The following FABP6 variants were observed in gnomAD, a reference collection of about 807,000 sequenced individuals.
FABP6 encodes the protein fatty acid binding protein 6.
Under a neutral mutation model 14.9 loss-of-function variants are expected in FABP6, and 13 were observed. The ratio of observed to expected loss-of-function variants is 0.87; its 90% CI spans 0.57 to 1.39. The LOEUF (loss-of-function observed/expected upper bound fraction) is 1.39, where lower values mean the gene tolerates loss of function less well. Among genes scored for constraint, FABP6 ranks in the 40% most tolerant of loss-of-function variants. The pLI is 0.00. For synonymous variants in FABP6, 75 were observed against 63.6 expected (o/e 1.18, Z -0.85); for missense variants, 161 against 167.2 (o/e 0.96, Z 0.20).
At chr5:160,188,807 G>T (rs544283542) in intron 1 of FABP6, among the ~76,000 whole-genome samples, 1 of 152,294 alleles carries the variant, frequency 6.6e-6, no homozygotes, top group Non-Finnish European at 1.5e-5. Context: ...CCCGGTTGGA[G>T]CGGTTCCCTG....
chr5:160,193,895 G>A lies in FABP6; in HGVS notation c.-58-5154G>A, dbSNP rs554868375. On this transcript the variant is annotated intron_variant, in intron 1 of 6. Transcript: ENST00000393980. ...CCTGCCAGTCACGCGCCATGCGCTC[G>A]CACTCCTCAGCCCTTGGGCGGTCGA... Among the ~76,000 whole-genome samples, 38 of 151,846 alleles carry A rather than the reference G, an allele frequency of 2.5e-4. 1 individual carries two copies. In the South Asian group the frequency reaches 7.0e-3, roughly 28 times the overall value.
chr5:160,200,952 T>G (rs2113076343), intron 2 of FABP6, among the ~76,000 whole-genome samples: 1 of 152,340 alleles, frequency 6.6e-6, no homozygotes, highest in East Asian at 1.9e-4. Flanking sequence ...CTGACCCAGT[T>G]GTTCTACTTC....
At position 160,190,969 on chromosome 5, in the gene FABP6, TAGCC is replaced by T. The variant is rs1759381921; in HGVS notation, c.-59+3519_-59+3522del. Among the ~76,000 whole-genome samples the T allele has an allele frequency of 8.9e-5, 13 of 145,646 alleles. 1 individual carries two copies. In the South Asian group the frequency reaches 2.8e-3, roughly 31 times the overall value. ...CTACTAAACATGAAAAAAAAAAAAT[TAGCC>T]AGCGTGGTGTACTCAGGAGGCAGAA... is the stretch of plus-strand genomic sequence containing the variant. On this transcript the variant is annotated intron_variant, in intron 1 of 6. Transcript: ENST00000393980.
At chr5:160,224,922 C>G (rs1482185833), upstream of FABP6, among the ~76,000 whole-genome samples, 1 of 151,658 alleles carries the variant, frequency 6.6e-6, no homozygotes, top group Non-Finnish European at 1.5e-5. Flanking sequence ...GAAATACAGG[C>G]ACGTGCCGTC....
At chr5:160,235,254 T>A (rs1760482788) in intron 3 of FABP6, among the ~76,000 whole-genome samples, 1 of 152,080 alleles carries the variant, frequency 6.6e-6, no homozygotes, top group African/African-American at 2.4e-5. Context: ...CTTCCCAGAA[T>A]ATAAATAAAG....
chr5:160,206,052 T>C (rs1294928352), intron 2 of FABP6, among the ~76,000 whole-genome samples: 1 of 152,214 alleles, frequency 6.6e-6, no homozygotes, highest in African/African-American at 2.4e-5. Flanking sequence ...ATCTCACATA[T>C]ACATATCCAT....
chr5:160,226,110 G>C (rs1186930590), upstream of FABP6, among the ~76,000 whole-genome samples: 1 of 151,818 alleles, frequency 6.6e-6, no homozygotes. Context: ...GGAGGCAGAG[G>C]GTGCAGTGAG....
Position 160,232,087 on chromosome 5 carries a change from C to T in FABP6, c.68-11C>T. Reference sequence around the variant, plus strand: ...CTCTTATATGGCTACTCTGCTTGTCCCCGGGTCCAGGGATCTCCAGCGATG... The same window carrying T: ...CTCTTATATGGCTACTCTGCTTGTCTCCGGGTCCAGGGATCTCCAGCGATG... On this transcript the variant is annotated splice_polypyrimidine_tract_variant and intron_variant, in intron 1 of 3. Transcript: ENST00000402432. The T allele has an allele frequency of 1.2e-6, 2 of 1,613,366 alleles. No individual in the cohort carries two copies. The highest frequency in any genetic ancestry group is 1.7e-6 in the Non-Finnish European group (2 of 1,179,688).
At chr5:160,192,854 G>A (rs1274079482) in intron 1 of FABP6, among the ~76,000 whole-genome samples, 2 of 152,274 alleles carry the variant, frequency 1.3e-5, no homozygotes, top group Admixed American at 1.3e-4. Flanking sequence ...GCTCATGCCT[G>A]TAATCCCAGC....
At chr5:160,201,344 C>T (rs771695342) in intron 2 of FABP6, among the ~76,000 whole-genome samples, 1 of 146,612 alleles carries the variant, frequency 6.8e-6, no homozygotes, top group African/African-American at 2.5e-5. Context: ...GGCAACAAAG[C>T]GAGACCCTGT....
chr5:160,210,764 G>GTAGTTCC (rs879847809), intron 2 of FABP6, among the ~76,000 whole-genome samples: 15 of 152,182 alleles, frequency 9.9e-5, no homozygotes, highest in Non-Finnish European at 1.8e-4. Flanking sequence ...TGAGCTTAGA[G>GTAGTTCC]CAATAGTAGT....
intron 2 of FABP6, among the ~76,000 whole-genome samples, chr5:160,205,487 A>G (rs987964433): frequency 1.3e-5 from 2 of 152,182 alleles, no homozygotes; most frequent in African/African-American, 4.8e-5. Context: ...GAACTCTGTC[A>G]GATGCCCATT....
At chr5:160,200,127 G>A (rs1221072100) in intron 2 of FABP6, among the ~76,000 whole-genome samples, 1 of 152,204 alleles carries the variant, frequency 6.6e-6, no homozygotes, top group East Asian at 1.9e-4. Flanking sequence ...ATAGCTGGAC[G>A]ACCTTAGACA....
chr5:160,189,839 A>G (rs1254187666), intron 1 of FABP6, among the ~76,000 whole-genome samples: 2 of 152,312 alleles, frequency 1.3e-5, no homozygotes, highest in Admixed American at 1.3e-4. Flanking sequence ...AGTTGTTGGT[A>G]TGTATGCTCA....
In FABP6 at chr5:160,212,132, C is replaced by T. The variant is rs548467435; in HGVS notation, c.52-1604C>T. On this transcript the variant is annotated intron_variant, in intron 2 of 6. Coordinates refer to the FABP6 transcript ENST00000393980. Reference sequence around the variant, plus strand: ...CTTCCTGAGTAGCTGGGATTACAGGCGCCTGCCACCACACAACTGGCTAAT... The same window carrying T: ...CTTCCTGAGTAGCTGGGATTACAGGTGCCTGCCACCACACAACTGGCTAAT... Among the ~76,000 whole-genome samples, 37 of 152,004 alleles carry T rather than the reference C, an allele frequency of 2.4e-4. No individual in the cohort carries two copies. In the South Asian group the frequency reaches 6.2e-3, roughly 26 times the overall value.
chr5:160,216,270 AT>A (rs59582403), intron 3 of FABP6, among the ~76,000 whole-genome samples: 2,461 of 144,268 alleles, frequency 0.017, 48 homozygotes, highest in African/African-American at 0.052. Flanking sequence ...TCTCATTGTA[AT>A]TTTTTTTTTT....
At chr5:160,198,837 G>T in intron 1 of FABP6, 1 of 492,928 alleles carries the variant, frequency 2.0e-6, no homozygotes. Context: ...TCAAATACTG[G>T]CCCATCATCC....
rs78146933 is a variant in FABP6 at position 160,234,028 on chromosome 5, T to C, written c.244-792T>C. Among the ~76,000 whole-genome samples the C allele has an allele frequency of 9.2e-5, 14 of 152,244 alleles. No individual in the cohort carries two copies. In the East Asian group the frequency reaches 2.7e-3, roughly 29 times the overall value. On this transcript the variant is annotated intron_variant, in intron 2 of 3. Coordinates refer to ENST00000402432, the MANE Select transcript of FABP6 (RefSeq NM_001445.3). ...GCCTCTGGTGACCCATGTGGAGTTC[T>C]AATAATAGAAAAGGAGTCAGGTTGG...
At chr5:160,210,414 G>C (rs1759862321) in intron 2 of FABP6, among the ~76,000 whole-genome samples, 1 of 152,182 alleles carries the variant, frequency 6.6e-6, no homozygotes, top group Non-Finnish European at 1.5e-5. Context: ...CTTTCAACCT[G>C]GAACAGCACC....
Sources: gnomAD v4.1 joint callset for allele counts (sites outside exome capture counted in the v4.1 genomes callset) on GRCh38, gnomAD v4.1.1 for gene constraint, MANE v1.5 for transcripts, NCBI Gene and HGNC (gene_info 2026-07-23, HGNC 2026-07-21) for gene names.